Variants in CLDN14 observed in about 807,000 individuals in gnomAD.
CLDN14 encodes the protein claudin-14.
A neutral mutation model predicts 2.1 loss-of-function variants in CLDN14; 2 were observed. That is an observed-to-expected ratio of 0.96 (90% CI 0.39 to 3.01). The LOEUF is 3.01. CLDN14 is among the 30% of genes most tolerant of loss of function. The pLI is 0.09. For missense variants in CLDN14, 298 were observed against 328.0 expected (o/e 0.91, Z 0.71); for synonymous variants, 136 against 154.4 (o/e 0.88, Z 0.88).
intron 2 of CLDN14, among the ~76,000 whole-genome samples, chr21:36,509,949 C>T (rs1053218786): frequency 3.9e-5 from 6 of 152,184 alleles, no homozygotes; most frequent in African/African-American, 1.4e-4. Context: ...GTTTACTGGC[C>T]ACCTACACAA....
At chr21:36,495,912 C>T (rs570240528) in intron 2 of CLDN14, among the ~76,000 whole-genome samples, 54 of 152,138 alleles carry the variant, frequency 3.5e-4, no homozygotes, top group Non-Finnish European at 6.0e-4. Context: ...GCGGAGATTG[C>T]AGCTGTAGGG....
rs1174991970 is a variant in CLDN14, at chr21:36,527,523, CA to C, written c.-219-17024del. Reference sequence around the variant, plus strand: ...GCTGCTGTGTTCATGGAGATGCTTCCACCAGATGGCCAGCCCGCCTTGAAGT... The same window carrying C: ...GCTGCTGTGTTCATGGAGATGCTTCCCCAGATGGCCAGCCCGCCTTGAAGT... On this transcript the variant is annotated intron_variant, in intron 1 of 2. Transcript: ENST00000342108. Among the ~76,000 whole-genome samples, 9 of 152,318 alleles carry C rather than the reference CA, an allele frequency of 5.9e-5. No homozygotes were observed. The Middle Eastern group carries it at 0.01, about 173-fold the overall frequency.
At chr21:36,547,461 GA>G (rs2087533184) in intron 1 of CLDN14, among the ~76,000 whole-genome samples, 1 of 152,184 alleles carries the variant, frequency 6.6e-6, no homozygotes, top group South Asian at 2.1e-4. Flanking sequence ...AGACCAAAAA[GA>G]ACCTTCCGAC....
Position 36,492,419 on chromosome 21 carries a change from C to T in CLDN14, c.-82+17944G>A, listed in dbSNP as rs1211471300. 1.6e-3 allele frequency among the ~76,000 whole-genome samples: 144 copies of T among 90,002 alleles called. 13 individuals carry two copies. The highest frequency in any genetic ancestry group is 7.1e-3 in the African/African-American group (128 of 18,030). 59.0% of individuals were successfully genotyped at this position (90,002 alleles called of 152,430 possible). ...ACTGCAGTCCGCAGTCCGGCCTGGG[C>T]GACAGAGCGAGACTCCGTCCCAAAA... On this transcript the variant is annotated intron_variant, in intron 2 of 2. Transcript: ENST00000342108.
intron 1 of CLDN14, chr21:36,526,258 AC>A (rs1303146684): frequency 6.6e-6 from 1 of 152,202 alleles, no homozygotes; most frequent in Non-Finnish European, 1.5e-5. Flanking sequence ...CATAGACAAT[AC>A]ATAAGTGAAA....
At chr21:36,507,273 AC>A (rs2087141903) in intron 2 of CLDN14, among the ~76,000 whole-genome samples, 1 of 152,126 alleles carries the variant, frequency 6.6e-6, no homozygotes, top group South Asian at 2.1e-4. Context: ...TGTTCTCTCA[AC>A]CCATGGCTGT....
intron 1 of CLDN14, among the ~76,000 whole-genome samples, chr21:36,478,703 T>C (rs2086806944): frequency 6.6e-6 from 1 of 152,186 alleles, no homozygotes; most frequent in Non-Finnish European, 1.5e-5. Flanking sequence ...GATCAAGAGA[T>C]GTTTGGCTTT....
At chr21:36,500,520 C>G (rs925886526) in intron 2 of CLDN14, among the ~76,000 whole-genome samples, 3 of 152,166 alleles carry the variant, frequency 2.0e-5, no homozygotes, top group African/African-American at 7.2e-5. Context: ...CAACCTCCAC[C>G]TCCTGGGTTC....
intron 1 of CLDN14, among the ~76,000 whole-genome samples, chr21:36,566,504 G>C (rs1053606673): frequency 6.6e-6 from 1 of 151,950 alleles, no homozygotes; most frequent in Admixed American, 6.6e-5. Flanking sequence ...CTTCTCAGTC[G>C]AACTGGACCC....
chr21:36,502,693 T>G (rs2087101218), intron 2 of CLDN14, among the ~76,000 whole-genome samples: 1 of 152,244 alleles, frequency 6.6e-6, no homozygotes, highest in African/African-American at 2.4e-5. Context: ...CAATATTTCC[T>G]TAAATATCAT....
chr21:36,523,384 A>G (rs927842530), intron 1 of CLDN14, among the ~76,000 whole-genome samples: 1 of 152,242 alleles, frequency 6.6e-6, no homozygotes, highest in Non-Finnish European at 1.5e-5. Flanking sequence ...TTTGCAAACA[A>G]GAGACTGCAC....
At chr21:36,490,636 G>A (rs1431032523) in intron 2 of CLDN14, among the ~76,000 whole-genome samples, 1 of 151,418 alleles carries the variant, frequency 6.6e-6, no homozygotes, top group Non-Finnish European at 1.5e-5. Context: ...GGATCCACCT[G>A]CCTCGGCCTC....
intron 1 of CLDN14, among the ~76,000 whole-genome samples, chr21:36,557,929 T>A (rs1008362978): frequency 1.7e-4 from 26 of 152,220 alleles, no homozygotes; most frequent in Admixed American, 1.6e-3. Context: ...GGTTAATCTT[T>A]AATCTATTTT....
intron 1 of CLDN14, among the ~76,000 whole-genome samples, chr21:36,462,241 G>A (rs1186867784): frequency 6.6e-6 from 1 of 152,182 alleles, no homozygotes; most frequent in South Asian, 2.1e-4. Context: ...CCCCACCCAC[G>A]TGCTCGGGCA....
intron 1 of CLDN14, among the ~76,000 whole-genome samples, chr21:36,556,549 T>C (rs542294666): frequency 6.6e-6 from 1 of 152,332 alleles, no homozygotes; most frequent in African/African-American, 2.4e-5. Flanking sequence ...ACTCCCTGAC[T>C]ATGTCGCTTC....
chr21:36,548,572 C>T (rs776837285), intron 1 of CLDN14, among the ~76,000 whole-genome samples: 13 of 152,194 alleles, frequency 8.5e-5, no homozygotes, highest in Non-Finnish European at 1.6e-4. Flanking sequence ...GAAGCTTCCA[C>T]GGCTTCTCCA....
At chr21:36,464,442 C>A (rs983823571) in intron 1 of CLDN14, among the ~76,000 whole-genome samples, 12 of 152,322 alleles carry the variant, frequency 7.9e-5, no homozygotes, top group African/African-American at 2.9e-4. Flanking sequence ...CCAGAATTTG[C>A]CACACGCACT....
At chr21:36,545,128 T>C (rs1035000104) in intron 1 of CLDN14, among the ~76,000 whole-genome samples, 1 of 152,244 alleles carries the variant, frequency 6.6e-6, no homozygotes, top group African/African-American at 2.4e-5. Context: ...CTTGCCTTTC[T>C]GTGACTCTCT....
chr21:36,559,872 G>T (rs1027718432), intron 1 of CLDN14, among the ~76,000 whole-genome samples: 1 of 152,124 alleles, frequency 6.6e-6, no homozygotes, highest in Non-Finnish European at 1.5e-5. Flanking sequence ...AGTTTTTCAT[G>T]ATCAAAGGAA....
Sources: gnomAD v4.1 joint callset for allele counts (sites outside exome capture counted in the v4.1 genomes callset) on GRCh38, gnomAD v4.1.1 for gene constraint, MANE v1.5 for transcripts, NCBI Gene and HGNC (gene_info 2026-07-23, HGNC 2026-07-21) for gene names.